Variants in DIAPH1 observed in about 807,000 individuals in gnomAD.
The protein encoded by DIAPH1 is protein diaphanous homolog 1.
DIAPH1 carries 46 observed loss-of-function variants against 140.7 expected under a neutral mutation model. That is an observed-to-expected ratio of 0.33 (90% CI 0.26 to 0.42). The LOEUF is 0.42. DIAPH1 is among the 10% of genes least tolerant of loss of function. The probability of loss-of-function intolerance (pLI) is 1.00; values close to 1 mark genes in which losing one functional copy is unlikely to be tolerated. For synonymous variants in DIAPH1, 565 were observed against 551.6 expected, an observed-to-expected ratio of 1.02 and a Z score of -0.34; for missense variants, 1,310 against 1,558.7, an observed-to-expected ratio of 0.84 and a Z score of 2.69.
intron 17 of DIAPH1, 89 bp from the exon 18 acceptor site, chr5:141,571,525 C>G (rs2099895184): frequency 1.7e-6 from 2 of 1,161,598 alleles, no homozygotes; most frequent in Non-Finnish European, 2.5e-6. Flanking sequence ...GTTCTTGTTA[C>G]TGTAGACAGT....
chr5:141,577,071 C>T (rs1596382541), intron 12 of DIAPH1, among the ~76,000 whole-genome samples, 200 bp from the exon 13 acceptor site: 1 of 152,316 alleles, frequency 6.6e-6, no homozygotes, highest in Middle Eastern at 3.4e-3. Context: ...TTCAAATAAT[C>T]AAAACTTCTT....
chr5:141,572,067 A>G, intron 16 of DIAPH1, 27 bp from the exon 17 acceptor site: 3 of 1,507,946 alleles, frequency 2.0e-6, no homozygotes, highest in Non-Finnish European at 2.8e-6. Context: ...GGTGTTAAGA[A>G]TTAGTAAACT....
At chr5:141,564,206 T>C (rs1178627003) in intron 18 of DIAPH1, 6 of 152,192 alleles carry the variant, frequency 3.9e-5, no homozygotes, top group Admixed American at 3.9e-4. Flanking sequence ...GATCCTTTTG[T>C]AAAAGGGCAA....
chr5:141,617,739 T>C (rs188951983), intron 1 of DIAPH1, among the ~76,000 whole-genome samples: 1 of 152,326 alleles, frequency 6.6e-6, no homozygotes, highest in African/African-American at 2.4e-5. Flanking sequence ...AAAGCTTTTA[T>C]AGCAAAAAAG....
chr5:141,587,139 T>C lies in DIAPH1; in HGVS notation c.203A>G (p.His68Arg). 1 of 1,614,198 alleles carries C rather than the reference T, an allele frequency of 6.2e-7. No homozygotes were observed. Among genetic ancestry groups the C allele is most frequent in the Non-Finnish European group, 8.5e-7 (1 of 1,180,020 alleles). The change falls in exon 3 of 28, where the codon CAT (histidine) becomes CGT (arginine). Residue 68 changes from histidine (H) to arginine (R), a missense_variant. By Grantham distance (29) the His-to-Arg change is conservative. Around this residue, in one of 3 missense-constraint regions of DIAPH1, gnomAD observed 377 missense variants for 497.1 expected, o/e 0.76. Coordinates refer to ENST00000389054, the MANE Select transcript of DIAPH1 (RefSeq NM_005219.5). The part of the protein sequence containing the change: ...KKEKEKPNSA[H>R]RNSSASYGDD... ...CCCATATGATGCAGAAGAATTTCTA[T>C]GAGCAGAATTGGGCTTTTCCTTCTC...
At position 141,528,543 on chromosome 5, in the gene DIAPH1, A is replaced by T; in HGVS notation, c.3058T>A (p.Leu1020Ile). ...TKSTDQKMTL[L>I]HFLAELCEND... ...TCACACAACTCAGCCAAGAAGTGTA[A>T]CAACGTCATCTTCTGATCTGTGGAC... is the stretch of plus-strand genomic sequence containing the variant. The change falls in exon 23 of 28, where the codon TTA becomes ATA. Residue 1020 changes from leucine to isoleucine, a missense_variant. Transcript: ENST00000389054. 6.2e-7 allele frequency: 1 copy of T among 1,614,206 alleles called. No individual in the cohort carries two copies. Among genetic ancestry groups the T allele is most frequent in the Non-Finnish European group, 8.5e-7 (1 of 1,180,022 alleles).
chr5:141,527,791 A>C, intron 23 of DIAPH1, 94 bp from the exon 24 acceptor site: 2 of 1,412,128 alleles, frequency 1.4e-6, no homozygotes, highest in South Asian at 1.4e-5. Flanking sequence ...CACCTTTCAG[A>C]GCATAGCTTC....
intron 18 of DIAPH1, among the ~76,000 whole-genome samples, chr5:141,559,656 G>A (rs142027492): frequency 3.3e-5 from 5 of 152,250 alleles, no homozygotes; most frequent in African/African-American, 1.2e-4. Context: ...TACTTTCCCA[G>A]CACACCCAGG....
intron 27 of DIAPH1, among the ~76,000 whole-genome samples, chr5:141,517,743 G>A (rs1041896702): frequency 1.1e-4 from 16 of 152,112 alleles, no homozygotes; most frequent in Non-Finnish European, 2.2e-4. Flanking sequence ...GACAGGAGAG[G>A]ACCCCTACCA....
intron 11 of DIAPH1, 46 bp downstream of exon 11, chr5:141,578,179 A>T (rs752335829): frequency 7.2e-7 from 1 of 1,385,108 alleles, no homozygotes; most frequent in Admixed American, 1.7e-5. Flanking sequence ...GGAACTAAAT[A>T]CAATGAATGT....
In DIAPH1 at chr5:141,577,497, C is replaced by A; in HGVS notation, c.1258G>T (p.Val420Phe). The change falls in exon 12 of 28, where the codon GTC becomes TTC. Residue 420 changes from valine (V) to phenylalanine (F), a missense_variant. By Grantham distance (50) the Val-to-Phe change is conservative (BLOSUM62 -1). This residue lies in a region of DIAPH1 where 589 missense variants were observed against 549.3 expected (regional missense o/e 1.07). Transcript: ENST00000389054. ...TACCTGGCCTCATAGTCATTTCGGA[C>A]CAAGAGTAAGTGCTGCAGGATGGAA... ...FLSILQHLLLVRNDYEARPQY... is the reference protein window; with the variant it reads ...FLSILQHLLLFRNDYEARPQY... 1 of 1,613,390 alleles carries A rather than the reference C, an allele frequency of 6.2e-7. No homozygotes were observed. The highest frequency in any genetic ancestry group is 1.6e-4 in the Middle Eastern group (1 of 6,062).
intron 18 of DIAPH1, chr5:141,564,260 A>G (rs1228687509): frequency 6.6e-6 from 1 of 152,244 alleles, no homozygotes; most frequent in Non-Finnish European, 1.5e-5. Context: ...AGTCCTCCAA[A>G]TAAATTTCCT....
At chr5:141,615,210 C>A (rs930585321) in intron 1 of DIAPH1, among the ~76,000 whole-genome samples, 4 of 151,364 alleles carry the variant, frequency 2.6e-5, no homozygotes, top group East Asian at 1.9e-4. Context: ...CTGAGGCTGG[C>A]GGATCACGAG....
intron 18 of DIAPH1, chr5:141,561,768 T>C (rs1245063232): frequency 6.6e-6 from 1 of 152,226 alleles, no homozygotes; most frequent in African/African-American, 2.4e-5. Flanking sequence ...CACCAAACAC[T>C]GAATCACAAG....
At chr5:141,598,682 A>G (rs1562342651) in intron 1 of DIAPH1, among the ~76,000 whole-genome samples, 1 of 152,190 alleles carries the variant, frequency 6.6e-6, no homozygotes. Context: ...TAGATACTTT[A>G]TAGTTTATAA....
chr5:141,555,463 C>A (rs2099892418), intron 18 of DIAPH1, among the ~76,000 whole-genome samples: 1 of 152,166 alleles, frequency 6.6e-6, no homozygotes. Context: ...GCCTTCCCAG[C>A]CTTCTTACAG....
At chr5:141,592,655 C>T (rs1330760124) in intron 1 of DIAPH1, among the ~76,000 whole-genome samples, 1 of 152,166 alleles carries the variant, frequency 6.6e-6, no homozygotes, top group Non-Finnish European at 1.5e-5. Flanking sequence ...TCATCATTCT[C>T]CTTGTTTGCT....
chr5:141,533,765 T>C lies in DIAPH1; in HGVS notation c.2581+570A>G, dbSNP rs1030199297. On this transcript the variant is annotated intron_variant, in intron 19 of 27. Coordinates refer to ENST00000389054, the MANE Select transcript of DIAPH1 (RefSeq NM_005219.5). Reference sequence around the variant, plus strand: ...TGTGGTAGACTTTCTGTGAACGCAATGGACATAGTAAGAACTTTTAAATAA... The same window carrying C: ...TGTGGTAGACTTTCTGTGAACGCAACGGACATAGTAAGAACTTTTAAATAA... Among the ~76,000 whole-genome samples the C allele has an allele frequency of 2.0e-5, 3 of 151,934 alleles. No homozygotes were observed. In the East Asian group the frequency reaches 5.8e-4, roughly 29 times the overall value.
chr5:141,516,636 G>C lies in DIAPH1; in HGVS notation c.*215C>G. ...CAACAGCCAGGGCTGGCTAAGTCGG[G>C]CTCAGGCCTCCCCTGCACTGCCCTT... On this transcript the variant is annotated 3_prime_UTR_variant, in exon 28 of 28. Coordinates refer to ENST00000389054, the MANE Select transcript of DIAPH1 (RefSeq NM_005219.5). 3 of 611,368 alleles carry C rather than the reference G, an allele frequency of 4.9e-6. No homozygotes were observed. The South Asian group carries it at 5.7e-5, about 12-fold the overall frequency. The allele number at this position is 611,368 out of a possible 1,614,324, so 37.9% of individuals were successfully genotyped here. A position where few individuals can be genotyped will look rare whatever the true frequency, so the allele number is the denominator to read the frequency against.
Sources: gnomAD v4.1 joint callset for allele counts (sites outside exome capture counted in the v4.1 genomes callset) on GRCh38, gnomAD v4.1.1 for gene constraint, gnomAD v4.1.1 regional missense constraint, MANE v1.5 for transcripts, NCBI Gene and HGNC (gene_info 2026-07-23, HGNC 2026-07-21) for gene names.